Variants in LRP1B observed in about 807,000 individuals in gnomAD.
LRP1B encodes LDL receptor related protein 1B.
Under a neutral mutation model 556.6 loss-of-function variants are expected in LRP1B, and 217 were observed. That is an observed-to-expected ratio of 0.39 (90% confidence interval 0.35 to 0.44). The LOEUF is 0.44. LRP1B is among the 20% of genes least tolerant of loss of function. The pLI is 1.00. For synonymous variants in LRP1B, 2,047 were observed against 1,865.8 expected, an observed-to-expected ratio of 1.10 and a Z score of -2.50; for missense variants, 5,053 against 5,620.8, an observed-to-expected ratio of 0.90 and a Z score of 3.23.
chr2:141,107,544 G>A (rs573082755), intron 7 of LRP1B, among the ~76,000 whole-genome samples: 3 of 152,196 alleles, frequency 2.0e-5, no homozygotes, highest in East Asian at 3.9e-4. Flanking sequence ...TACTTGGGAG[G>A]CTGAAGCAGG....
chr2:140,351,657 A>G (rs1222756486), intron 76 of LRP1B, among the ~76,000 whole-genome samples: 1 of 151,518 alleles, frequency 6.6e-6, no homozygotes, highest in Non-Finnish European at 1.5e-5. Context: ...TCATTTTCAT[A>G]CTAACAAGTA....
At chr2:141,529,120 T>C (rs1405090558) in intron 2 of LRP1B, among the ~76,000 whole-genome samples, 1 of 152,222 alleles carries the variant, frequency 6.6e-6, no homozygotes, top group Non-Finnish European at 1.5e-5. Context: ...GCCTGTGGCC[T>C]GGCCTTGTGT....
intron 7 of LRP1B, among the ~76,000 whole-genome samples, chr2:141,075,297 A>T (rs1699757334): frequency 6.6e-6 from 1 of 152,112 alleles, no homozygotes; most frequent in South Asian, 2.1e-4. Context: ...AAAACTGAAT[A>T]GAGATAAAGA....
intron 80 of LRP1B, among the ~76,000 whole-genome samples, chr2:140,325,393 C>T (rs1680420170): frequency 6.6e-6 from 1 of 152,130 alleles, no homozygotes; most frequent in East Asian, 1.9e-4. Flanking sequence ...TTGCTACATA[C>T]AGTAACTCAT....
In LRP1B at chr2:140,457,514, A is replaced by G. The variant is rs1186564397; in HGVS notation, c.9763T>C (p.Trp3255Arg). ...GADRLSLIYSWHAITDIQVYH... is the reference protein window; with the variant it reads ...GADRLSLIYSRHAITDIQVYH... ...ACCTGGATATCTGTGATGGCATGCC[A>G]TGAGTAAATCAGTGAGAGTCTGTCT... The change falls in exon 61 of 91, where the codon TGG becomes CGG. Residue 3255 changes from tryptophan to arginine, a missense_variant. Coordinates refer to ENST00000389484, the MANE Select transcript of LRP1B (RefSeq NM_018557.3). The G allele has an allele frequency of 1.2e-6, 2 of 1,613,768 alleles. No individual in the cohort carries two copies. The highest frequency in any genetic ancestry group is 2.2e-5 in the East Asian group (1 of 44,884).
rs1697815825 is a variant in LRP1B, at chr2:141,013,543, T to C, written c.2380+13A>G. ...TGTGAATCTCAGAAGCATTTTAATT[T>C]GTTTTTTAATACCTTGTTGCTTTCG... On this transcript the variant is annotated intron_variant, in intron 14 of 90. Coordinates refer to ENST00000389484, the MANE Select transcript of LRP1B (RefSeq NM_018557.3). 2 of 1,592,344 alleles carry C rather than the reference T, an allele frequency of 1.3e-6. No individual in the cohort carries two copies. Among genetic ancestry groups the C allele is most frequent in the Non-Finnish European group, 1.7e-6 (2 of 1,170,702 alleles).
rs574622090 is a variant in LRP1B, at chr2:141,126,444, T to C, written c.1013+61977A>G. On this transcript the variant is annotated intron_variant, in intron 7 of 90. Transcript: ENST00000389484. ...AACTTCCAGATTATTTTCCTTCCCTTGTCTGGAAAATTCCCTGCTCTTCTA... is the reference window on the plus strand; with the variant it reads ...AACTTCCAGATTATTTTCCTTCCCTCGTCTGGAAAATTCCCTGCTCTTCTA... 8.5e-5 allele frequency among the ~76,000 whole-genome samples: 13 copies of C among 152,324 alleles called. No homozygotes were observed. The South Asian group carries it at 2.7e-3, about 32-fold the overall frequency.
intron 3 of LRP1B, among the ~76,000 whole-genome samples, chr2:141,448,219 G>A (rs1448770170): frequency 1.3e-5 from 2 of 152,256 alleles, no homozygotes; most frequent in African/African-American, 4.8e-5. Context: ...ACACTGTGAG[G>A]GGAAAACCAT....
chr2:140,306,920 T>A (rs1684092652), intron 83 of LRP1B, among the ~76,000 whole-genome samples: 1 of 152,078 alleles, frequency 6.6e-6, no homozygotes. Context: ...ATGTACCCAG[T>A]AGTCATTCAG....
chr2:140,865,362 T>C (rs1027151309), intron 27 of LRP1B, among the ~76,000 whole-genome samples: 3 of 152,036 alleles, frequency 2.0e-5, no homozygotes, highest in African/African-American at 7.2e-5. Flanking sequence ...ATGTCATGTA[T>C]TTTTTAAATT....
rs1327452177 is a variant in LRP1B at position 140,870,724 on chromosome 2, AG to A, written c.4170-2462del. 4.6e-5 allele frequency among the ~76,000 whole-genome samples: 7 copies of A among 152,292 alleles called. No individual in the cohort carries two copies. The East Asian group carries it at 1.3e-3, about 29-fold the overall frequency. On this transcript the variant is annotated intron_variant, in intron 25 of 90. Coordinates refer to ENST00000389484, the MANE Select transcript of LRP1B (RefSeq NM_018557.3). ...ATTTTCTCTTCATTTAATTATATAT[AG>A]TTTTATTATTTTTGACTTCTATTAT... is the stretch of plus-strand genomic sequence containing the variant.
chr2:141,498,356 C>CTTTT (rs67454706), intron 2 of LRP1B, among the ~76,000 whole-genome samples: 4 of 144,086 alleles, frequency 2.8e-5, no homozygotes, highest in Non-Finnish European at 4.5e-5. Flanking sequence ...CTTTAAAATC[C>CTTTT]TTTTTTTTTT....
intron 2 of LRP1B, among the ~76,000 whole-genome samples, chr2:141,579,612 T>C (rs1686887895): frequency 6.6e-6 from 1 of 152,136 alleles, no homozygotes; most frequent in Admixed American, 6.5e-5. Flanking sequence ...AATTTGAATG[T>C]TGAATTCAAA....
chr2:140,436,089 A>C, intron 66 of LRP1B, among the ~76,000 whole-genome samples: 1 of 152,158 alleles, frequency 6.6e-6, no homozygotes, highest in East Asian at 1.9e-4. Flanking sequence ...CAAAACAAAT[A>C]AATGGATGAA....
At chr2:141,291,081 TAAAA>T (rs1230586593) in intron 3 of LRP1B, among the ~76,000 whole-genome samples, 2 of 152,082 alleles carry the variant, frequency 1.3e-5, no homozygotes, top group African/African-American at 2.4e-5. Flanking sequence ...AAAATAGAAA[TAAAA>T]GAAAGGAGAA....
At position 141,713,023 on chromosome 2, in the gene LRP1B, A is replaced by T. The variant is rs549845021; in HGVS notation, c.205+97256T>A. 4.0e-5 allele frequency among the ~76,000 whole-genome samples: 6 copies of T among 151,806 alleles called. No individual in the cohort carries two copies. In the South Asian group the frequency reaches 1.3e-3, roughly 32 times the overall value. On this transcript the variant is annotated intron_variant, in intron 2 of 90. Transcript: ENST00000389484. The stretch of plus-strand genomic sequence containing the variant: ...TATACAAGTACATTAGACAGATATT[A>T]TCCTAACCTCCATTGAACATGTACA...
intron 2 of LRP1B, among the ~76,000 whole-genome samples, chr2:141,563,036 A>G (rs1309083962): frequency 6.6e-6 from 1 of 152,064 alleles, no homozygotes; most frequent in Non-Finnish European, 1.5e-5. Flanking sequence ...AACTTCTGAA[A>G]TCTTGAGCAA....
In LRP1B at chr2:140,334,533, T is replaced by A. The variant is rs759933110; in HGVS notation, c.12143A>T (p.Asp4048Val). The A allele has an allele frequency of 1.3e-6, 2 of 1,599,788 alleles. No homozygotes were observed. Among genetic ancestry groups the A allele is most frequent in the African/African-American group, 1.3e-5 (1 of 74,120 alleles). Residue 4048 changes from aspartate to valine, a missense_variant, in exon 79 of 91, where the codon GAT becomes GTT. Asp to Val is a radical substitution (Grantham distance 152). Around this residue, in one of 5 missense-constraint regions of LRP1B, gnomAD observed 599 missense variants for 648.4 expected, o/e 0.92. Transcript: ENST00000389484. ...RGMMYWTVVGDHSHIEEAAMD... is the reference protein window; with the variant it reads ...RGMMYWTVVGVHSHIEEAAMD... ...GGCTGCTTCTTCTATATGGGAATGA[T>A]CCCCAACAACAGTCCAGTACATCAT...
chr2:141,534,740 A>C (rs1685010309), intron 2 of LRP1B, among the ~76,000 whole-genome samples: 2 of 152,292 alleles, frequency 1.3e-5, no homozygotes, highest in Admixed American at 1.3e-4. Flanking sequence ...TGCAAACTAA[A>C]AACAGAAGAG....
Sources: allele counts gnomAD v4.1 joint callset (sites outside exome capture counted in the v4.1 genomes callset), GRCh38; gene constraint gnomAD v4.1.1; regional missense constraint gnomAD v4.1.1; transcripts MANE v1.5; gene names NCBI Gene and HGNC (gene_info 2026-07-23, HGNC 2026-07-21).